GLRA2: variants seen among roughly 807,000 people sequenced by gnomAD.
GLRA2 encodes glycine receptor alpha 2, also known as glycine receptor subunit alpha-2.
A neutral mutation model predicts 31.6 loss-of-function variants in GLRA2; 11 were observed. That is an observed-to-expected ratio of 0.35 (90% CI 0.22 to 0.58). GLRA2 has a LOEUF of 0.58. GLRA2 is among the 20% of genes least tolerant of loss of function. The pLI is 0.84. For synonymous variants in GLRA2, 132 were observed against 134.0 expected, an observed-to-expected ratio of 0.99 and a Z score of 0.10; for missense variants, 212 against 351.8, an observed-to-expected ratio of 0.60 and a Z score of 3.18.
the GLRA2 span, among the ~76,000 whole-genome samples, chrX:14,479,644 T>C: frequency 8.9e-6 from 1 of 111,791 alleles, no homozygotes; most frequent in Non-Finnish European, 1.9e-5. Context: ...TGGTTTTCTA[T>C]TCCTGTGTTC....
At chrX:14,623,865 A>G (rs2090553342) in intron 7 of GLRA2, among the ~76,000 whole-genome samples, 1 of 111,969 alleles carries the variant, frequency 8.9e-6, no homozygotes, top group African/African-American at 3.3e-5. Flanking sequence ...TCGCCTCATA[A>G]AATGAGTTAG....
chrX:14,622,212 GA>G (rs1254351482), intron 7 of GLRA2, among the ~76,000 whole-genome samples: 3 of 111,579 alleles, frequency 2.7e-5, no homozygotes, highest in Non-Finnish European at 3.8e-5. Flanking sequence ...GGGGTTGTTT[GA>G]TTTTTTTCTT....
At chrX:14,479,002 C>G in the GLRA2 span, among the ~76,000 whole-genome samples, 3 of 110,607 alleles carry the variant, frequency 2.7e-5, no homozygotes, top group Non-Finnish European at 5.7e-5. Flanking sequence ...CAAGATATGG[C>G]CATATTTTCT....
chrX:14,516,711 T>C, the GLRA2 span, among the ~76,000 whole-genome samples: 1 of 111,721 alleles, frequency 9.0e-6, no homozygotes, highest in East Asian at 2.8e-4. Context: ...TCCTTGTTTT[T>C]TTGGAATGCT....
At chrX:14,621,011 C>T (rs1447831715) in intron 7 of GLRA2, among the ~76,000 whole-genome samples, 2 of 111,576 alleles carry the variant, frequency 1.8e-5, no homozygotes, top group Admixed American at 1.9e-4. Context: ...TGTACTTGCT[C>T]TAACAAACTG....
chrX:14,462,237 C>T, the GLRA2 span, among the ~76,000 whole-genome samples: 2 of 111,732 alleles, frequency 1.8e-5, no homozygotes, highest in African/African-American at 6.5e-5. Context: ...TGATGGGCTT[C>T]CCTTTGTGGG....
intron 7 of GLRA2, among the ~76,000 whole-genome samples, chrX:14,619,817 G>C (rs1472936058): frequency 1.8e-5 from 2 of 110,721 alleles, no homozygotes; most frequent in African/African-American, 3.3e-5. Flanking sequence ...TGAAGGCAGG[G>C]TTCTTTATCT....
intron 7 of GLRA2, among the ~76,000 whole-genome samples, chrX:14,685,447 G>C (rs1361165089): frequency 1.8e-5 from 2 of 111,283 alleles, no homozygotes; most frequent in African/African-American, 6.5e-5. Flanking sequence ...ATCTGGTCCT[G>C]GACTTTTTTT....
intron 2 of GLRA2, among the ~76,000 whole-genome samples, chrX:14,570,788 C>T (rs2089872075): frequency 9.0e-6 from 1 of 111,648 alleles, no homozygotes; most frequent in Non-Finnish European, 1.9e-5. Context: ...ACATGGGTTT[C>T]TAAGACAAAT....
At chrX:14,648,159 T>C (rs1007211615) in intron 7 of GLRA2, among the ~76,000 whole-genome samples, 2 of 112,346 alleles carry the variant, frequency 1.8e-5, no homozygotes, top group Non-Finnish European at 3.8e-5. Context: ...CAAGTACTTA[T>C]TGAGAGTCTG....
At chrX:14,701,517 G>C (rs752449009) in intron 8 of GLRA2, among the ~76,000 whole-genome samples, 1 of 111,337 alleles carries the variant, frequency 9.0e-6, no homozygotes, top group Admixed American at 9.6e-5. Flanking sequence ...TCCAAGCTGA[G>C]GGTTTTGCCA....
chrX:14,545,974 A>G (rs955051111), intron 2 of GLRA2, among the ~76,000 whole-genome samples: 2 of 111,611 alleles, frequency 1.8e-5, no homozygotes, highest in East Asian at 2.8e-4. Flanking sequence ...TGCCTTGTGA[A>G]TAGGAAGCCC....
the GLRA2 span, among the ~76,000 whole-genome samples, chrX:14,459,305 G>C: frequency 2.7e-5 from 3 of 111,476 alleles, no homozygotes; most frequent in South Asian, 3.8e-4. Context: ...GTCAGGTAGC[G>C]TGATGCCTCC....
At chrX:14,457,367 G>A in the GLRA2 span, among the ~76,000 whole-genome samples, 3 of 91,279 alleles carry the variant, frequency 3.3e-5, no homozygotes, top group Middle Eastern at 5.3e-3. Context: ...CACCCCCCAC[G>A]GGCCCCAGTG....
At chrX:14,459,028 C>G in the GLRA2 span, among the ~76,000 whole-genome samples, 2 of 111,804 alleles carry the variant, frequency 1.8e-5, no homozygotes, top group Admixed American at 1.9e-4. Context: ...AGTCTTTAAT[C>G]CATCTTGAAT....
At chrX:14,461,423 G>T in the GLRA2 span, among the ~76,000 whole-genome samples, 1 of 111,494 alleles carries the variant, frequency 9.0e-6, no homozygotes, top group Non-Finnish European at 1.9e-5. Context: ...CTGTCTCGTT[G>T]ATCTGTCTAA....
the GLRA2 span, among the ~76,000 whole-genome samples, chrX:14,459,154 G>C: frequency 9.1e-3 from 1,014 of 111,458 alleles, 9 homozygotes; most frequent in African/African-American, 0.031. Flanking sequence ...TCTTGTTTTT[G>C]TCAGGTTTGT....
intron 7 of GLRA2, among the ~76,000 whole-genome samples, chrX:14,614,456 T>C (rs1317990949): frequency 9.0e-6 from 1 of 111,556 alleles, no homozygotes; most frequent in Non-Finnish European, 1.9e-5. Context: ...TCAGGTCCCC[T>C]TCCTTAATAA....
chrX:14,508,592 T>G, the GLRA2 span, among the ~76,000 whole-genome samples: 1 of 111,630 alleles, frequency 9.0e-6, no homozygotes, highest in Non-Finnish European at 1.9e-5. Flanking sequence ...CTAGCACTTT[T>G]AGGGTCAATT....
Sources: gnomAD v4.1 joint callset for allele counts (sites outside exome capture counted in the v4.1 genomes callset) on GRCh38, gnomAD v4.1.1 for gene constraint, MANE v1.5 for transcripts, NCBI Gene and HGNC (gene_info 2026-07-23, HGNC 2026-07-21) for gene names.